The following SUMF1 variants were observed in gnomAD, a reference collection of about 807,000 sequenced individuals.
The protein encoded by SUMF1 is sulfatase modifying factor 1.
A neutral mutation model predicts 47.6 loss-of-function variants in SUMF1; 48 were observed. The observed-to-expected ratio is 1.01, with a 90% CI of 0.80 to 1.28. SUMF1 has a LOEUF of 1.28. Ranked by LOEUF, SUMF1 falls within the 50% of genes most tolerant of loss-of-function variation. The pLI, the probability that SUMF1 is intolerant of heterozygous loss-of-function variation, is 0.00. For synonymous variants in SUMF1, 230 were observed against 192.1 expected (o/e 1.20, Z -1.63); for missense variants, 571 against 485.4 (o/e 1.18, Z -1.66).
intron 3 of SUMF1, among the ~76,000 whole-genome samples, chr3:4,428,882 TAC>T (rs1194082878): frequency 6.6e-6 from 1 of 152,230 alleles, no homozygotes; most frequent in Non-Finnish European, 1.5e-5. Flanking sequence ...TACACATTTT[TAC>T]AGTTTTTCCA....
intron 1 of SUMF1, among the ~76,000 whole-genome samples, chr3:4,463,829 T>C (rs1279674119): frequency 6.6e-6 from 1 of 152,272 alleles, no homozygotes; most frequent in Non-Finnish European, 1.5e-5. Flanking sequence ...TTTGCTTCCT[T>C]GTTACAAAAT....
intron 8 of SUMF1, among the ~76,000 whole-genome samples, chr3:4,332,459 G>A (rs1320233743): frequency 6.6e-6 from 1 of 152,168 alleles, no homozygotes; most frequent in African/African-American, 2.4e-5. Context: ...CAAACCAAAG[G>A]GGTTTTAAAG....
At chr3:4,255,680 C>T (rs1024211859) in intron 8 of SUMF1, among the ~76,000 whole-genome samples, 3 of 139,208 alleles carry the variant, frequency 2.2e-5, no homozygotes, top group Non-Finnish European at 4.6e-5. Context: ...ACTTTAACAC[C>T]CCATTGTCAA....
At position 4,213,078 on chromosome 3, in the gene SUMF1, C is replaced by G. The variant is rs531170819; in HGVS notation, c.1015-144333G>C. Among the ~76,000 whole-genome samples the G allele has an allele frequency of 2.1e-4, 32 of 152,212 alleles. No individual in the cohort carries two copies. In the South Asian group the frequency reaches 2.9e-3, roughly 14 times the overall value. Reference sequence around the variant, plus strand: ...TACAGAGAACACCACAAAGATACTCCTCAAGAAGAGCAACCCCAAGACGCA... The same window carrying G: ...TACAGAGAACACCACAAAGATACTCGTCAAGAAGAGCAACCCCAAGACGCA... On this transcript the variant is annotated intron_variant and NMD_transcript_variant, in intron 8 of 12. Transcript: ENST00000448413.
chr3:4,112,361 C>T (rs1293780680), intron 8 of SUMF1, among the ~76,000 whole-genome samples: 1 of 152,084 alleles, frequency 6.6e-6, no homozygotes. Flanking sequence ...TTCATTTATA[C>T]CTTAGCATTA....
At chr3:4,303,357 C>A in intron 8 of SUMF1, 1 of 1,539,838 alleles carries the variant, frequency 6.5e-7, no homozygotes, top group Non-Finnish European at 8.7e-7. Flanking sequence ...GTGGGCGTTG[C>A]GTGAGGCGGG....
chr3:4,445,527 T>TG (rs1019344597), intron 3 of SUMF1, among the ~76,000 whole-genome samples: 18 of 152,058 alleles, frequency 1.2e-4, no homozygotes, highest in Non-Finnish European at 8.8e-5. Context: ...TTTGTAGAGA[T>TG]GGGGTCTCTC....
intron 8 of SUMF1, among the ~76,000 whole-genome samples, chr3:4,191,139 G>C (rs191885915): frequency 9.4e-4 from 143 of 152,282 alleles, no homozygotes; most frequent in African/African-American, 3.4e-3. Context: ...GCAGCAATCT[G>C]GTTGGAAGGG....
intron 8 of SUMF1, among the ~76,000 whole-genome samples, chr3:4,283,425 T>A (rs980743037): frequency 6.6e-6 from 1 of 152,224 alleles, no homozygotes; most frequent in Non-Finnish European, 1.5e-5. Context: ...CTCCAACCCA[T>A]GTGAAATTTC....
At chr3:4,113,244 A>G (rs1193090782) in intron 8 of SUMF1, among the ~76,000 whole-genome samples, 1 of 152,098 alleles carries the variant, frequency 6.6e-6, no homozygotes, top group African/African-American at 2.4e-5. Flanking sequence ...AATATATATT[A>G]CAACCTGGGC....
chr3:4,305,485 C>T (rs535709469), intron 8 of SUMF1, among the ~76,000 whole-genome samples: 4 of 152,032 alleles, frequency 2.6e-5, no homozygotes, highest in Admixed American at 1.3e-4. Context: ...AAAGGTGCCT[C>T]GGTCTTAGTT....
At chr3:4,303,957 C>G (rs773977703) in intron 8 of SUMF1, 4 of 931,296 alleles carry the variant, frequency 4.3e-6, no homozygotes, top group Non-Finnish European at 5.7e-6. Flanking sequence ...TGTGGTCTCC[C>G]TCACGCTGTG....
Position 4,451,478 on chromosome 3 carries a change from G to A in SUMF1, c.444+1398C>T, listed in dbSNP as rs544844314. Among the ~76,000 whole-genome samples, 65 of 152,242 alleles carry A rather than the reference G, an allele frequency of 4.3e-4. 2 individuals carry two copies. The South Asian group carries it at 0.013, about 32-fold the overall frequency. On this transcript the variant is annotated intron_variant, in intron 2 of 8. Transcript: ENST00000272902. ...GCCATTAAAAGTAATGACAAAAACC[G>A]TAATTACTTTTGTACCAACTTATAA...
In SUMF1 at chr3:4,205,581, C is replaced by G. The variant is rs1299651499; in HGVS notation, c.1015-136836G>C. ...TTCTTAAGAAAGCTTTCTAAGTATTCAAAGGGCATCGAGTGTTGTAATTTA... is the reference window on the plus strand; with the variant it reads ...TTCTTAAGAAAGCTTTCTAAGTATTGAAAGGGCATCGAGTGTTGTAATTTA... On this transcript the variant is annotated intron_variant and NMD_transcript_variant, in intron 8 of 12. Coordinates refer to the SUMF1 transcript ENST00000448413. Among the ~76,000 whole-genome samples, 4 of 152,162 alleles carry G rather than the reference C, an allele frequency of 2.6e-5. No individual in the cohort carries two copies. In the East Asian group the frequency reaches 7.7e-4, roughly 29 times the overall value.
At chr3:4,137,594 A>C (rs1267152416) in intron 8 of SUMF1, among the ~76,000 whole-genome samples, 1 of 152,192 alleles carries the variant, frequency 6.6e-6, no homozygotes, top group African/African-American at 2.4e-5. Context: ...CACGTTGTGC[A>C]CATGTACCCT....
intron 8 of SUMF1, among the ~76,000 whole-genome samples, chr3:4,137,586 C>T (rs765331866): frequency 7.9e-5 from 12 of 152,062 alleles, no homozygotes; most frequent in Non-Finnish European, 1.2e-4. Flanking sequence ...CAAACCTGCA[C>T]GTTGTGCACA....
intron 8 of SUMF1, among the ~76,000 whole-genome samples, chr3:4,283,097 G>A (rs2125047608): frequency 6.6e-6 from 1 of 152,104 alleles, no homozygotes; most frequent in Middle Eastern, 3.2e-3. Flanking sequence ...CCTCTCCCTT[G>A]AGGATCTTTA....
intron 8 of SUMF1, among the ~76,000 whole-genome samples, chr3:4,332,531 C>A (rs78539889): frequency 0.011 from 1,657 of 152,272 alleles, 22 homozygotes; most frequent in African/African-American, 0.036. Flanking sequence ...TATGACTTGT[C>A]ACATTAAAAC....
At chr3:4,181,001 T>G (rs997896186) in intron 8 of SUMF1, among the ~76,000 whole-genome samples, 1 of 152,166 alleles carries the variant, frequency 6.6e-6, no homozygotes, top group African/African-American at 2.4e-5. Context: ...TGGTTAACTC[T>G]GGGGGTTAGT....
Sources: allele counts gnomAD v4.1 joint callset (sites outside exome capture counted in the v4.1 genomes callset), GRCh38; gene constraint gnomAD v4.1.1; transcripts MANE v1.5; gene names NCBI Gene and HGNC (gene_info 2026-07-23, HGNC 2026-07-21).